The following ADGRV1 variants were observed in gnomAD, a reference collection of about 807,000 sequenced individuals.
The protein encoded by ADGRV1 is G-protein coupled receptor 98.
Under a neutral mutation model 596.2 loss-of-function variants are expected in ADGRV1, and 359 were observed. The ratio of observed to expected loss-of-function variants is 0.60; its 90% CI spans 0.55 to 0.66. ADGRV1 has a LOEUF of 0.66. Ranked by LOEUF, ADGRV1 falls within the 30% of genes least tolerant of loss-of-function variation. The pLI is 0.00. For missense variants in ADGRV1, 7,274 were observed against 7,575.6 expected (o/e 0.96, Z 1.48); for synonymous variants, 2,681 against 2,679.2 (o/e 1.00, Z -0.02).
intron 55 of ADGRV1, among the ~76,000 whole-genome samples, chr5:90,756,067 C>T (rs192821214): frequency 7.4e-4 from 112 of 151,760 alleles, no homozygotes; most frequent in African/African-American, 2.4e-3. Context: ...AGGCTTATAT[C>T]TAGATTTTCA....
chr5:90,930,074 C>T (rs963791593), intron 83 of ADGRV1, among the ~76,000 whole-genome samples: 1 of 152,130 alleles, frequency 6.6e-6, no homozygotes, highest in South Asian at 2.1e-4. Context: ...CACTAAACAT[C>T]TTCTTTTTGT....
chr5:91,157,826 C>T (rs565087124), intron 89 of ADGRV1, among the ~76,000 whole-genome samples: 1 of 152,286 alleles, frequency 6.6e-6, no homozygotes, highest in East Asian at 1.9e-4. Flanking sequence ...TTAAAGCTGT[C>T]CTTCCCATAC....
At chr5:90,787,995 C>A in intron 67 of ADGRV1, 76 bp from the exon 68 acceptor site, 2 of 1,036,788 alleles carry the variant, frequency 1.9e-6, no homozygotes, top group East Asian at 2.6e-5. Context: ...TTTCTTAATA[C>A]TAGATACCCT....
rs933924179 is a variant in ADGRV1 at position 90,841,045 on chromosome 5, A to G, written c.17019+60A>G. The G allele has an allele frequency of 5.1e-6, 6 of 1,183,904 alleles. No individual in the cohort carries two copies. In the East Asian group the frequency reaches 7.5e-5, roughly 15 times the overall value. The allele number at this position is 1,183,904 out of a possible 1,614,324, so 73.3% of individuals were successfully genotyped here. The stretch of plus-strand genomic sequence containing the variant: ...GAAATTTTGTAAATTTAAAAACCCA[A>G]GTAAAACCAAAATCACATTCTCTTT... On this transcript the variant is annotated intron_variant, in intron 78 of 89. Transcript: ENST00000405460.
At chr5:90,894,465 T>TG (rs1304932334) in intron 83 of ADGRV1, among the ~76,000 whole-genome samples, 2 of 152,156 alleles carry the variant, frequency 1.3e-5, no homozygotes, top group African/African-American at 4.8e-5. Flanking sequence ...TAGTGAGTTG[T>TG]GGGGATGGCC....
At chr5:90,855,086 T>G (rs1003344746) in intron 81 of ADGRV1, among the ~76,000 whole-genome samples, 5 of 152,122 alleles carry the variant, frequency 3.3e-5, no homozygotes, top group African/African-American at 1.2e-4. Context: ...GTAAAGAAAT[T>G]AAGAGGCATT....
chr5:91,126,476 A>G (rs780125664), intron 87 of ADGRV1, among the ~76,000 whole-genome samples: 1 of 152,234 alleles, frequency 6.6e-6, no homozygotes, highest in Non-Finnish European at 1.5e-5. Context: ...TAAAGGTTAC[A>G]TGCTTTGCCT....
At chr5:90,796,199 T>C (rs1266836591) in intron 70 of ADGRV1, among the ~76,000 whole-genome samples, 1 of 152,152 alleles carries the variant, frequency 6.6e-6, no homozygotes, top group Non-Finnish European at 1.5e-5. Context: ...GAGCATATTC[T>C]AACCCAATGC....
At chr5:91,114,086 G>T (rs1195700980) in intron 87 of ADGRV1, among the ~76,000 whole-genome samples, 3 of 151,664 alleles carry the variant, frequency 2.0e-5, no homozygotes, top group African/African-American at 7.3e-5. Flanking sequence ...GAGCATGGTG[G>T]CAGGAGGCTG....
intron 83 of ADGRV1, among the ~76,000 whole-genome samples, chr5:90,959,288 T>A (rs1231252392): frequency 3.3e-5 from 5 of 152,028 alleles, no homozygotes; most frequent in African/African-American, 1.2e-4. Context: ...CTTTTTTTTT[T>A]AATGTGTGAA....
At chr5:91,001,256 T>G (rs949715005) in intron 85 of ADGRV1, among the ~76,000 whole-genome samples, 5 of 152,034 alleles carry the variant, frequency 3.3e-5, no homozygotes, top group Admixed American at 3.3e-4. Flanking sequence ...ATTTTTATCT[T>G]TTGTGGAGAC....
intron 78 of ADGRV1, among the ~76,000 whole-genome samples, chr5:90,848,423 C>A (rs1387292606): frequency 6.6e-6 from 1 of 151,782 alleles, no homozygotes; most frequent in Non-Finnish European, 1.5e-5. Context: ...GGTGATTATG[C>A]CTTTTCTTTA....
At chr5:90,973,955 A>G (rs1779308499) in intron 84 of ADGRV1, among the ~76,000 whole-genome samples, 1 of 152,244 alleles carries the variant, frequency 6.6e-6, no homozygotes, top group Non-Finnish European at 1.5e-5. Flanking sequence ...AGAAAACTGC[A>G]TTGTCTCAGC....
Position 90,602,236 on chromosome 5 carries a change from G to A in ADGRV1, c.23-12599G>A, listed in dbSNP as rs561919466. Among the ~76,000 whole-genome samples the A allele has an allele frequency of 2.3e-4, 35 of 152,156 alleles. 1 individual carries two copies. In the East Asian group the frequency reaches 3.9e-3, roughly 17 times the overall value. ...TGCCTGGTACAGTTTTTAATATGTCGGTAGATAGATGGAAGGAAGTAAGTT... is the reference window on the plus strand; with the variant it reads ...TGCCTGGTACAGTTTTTAATATGTCAGTAGATAGATGGAAGGAAGTAAGTT... On this transcript the variant is annotated intron_variant, in intron 1 of 89. Coordinates refer to ENST00000405460, the MANE Select transcript of ADGRV1 (RefSeq NM_032119.4).
intron 1 of ADGRV1, among the ~76,000 whole-genome samples, chr5:90,576,261 C>A (rs1757187896): frequency 6.6e-6 from 1 of 151,984 alleles, no homozygotes; most frequent in South Asian, 2.1e-4. Flanking sequence ...TATCCCTCCC[C>A]CAGCCCCCCG....
intron 83 of ADGRV1, among the ~76,000 whole-genome samples, chr5:90,938,645 T>C (rs544106864): frequency 1.1e-3 from 167 of 152,348 alleles, no homozygotes; most frequent in African/African-American, 3.8e-3. Context: ...TGCCAGGCAC[T>C]GCTCTATGCA....
intron 63 of ADGRV1, 75 bp from the exon 64 acceptor site, chr5:90,778,790 A>G (rs1758532906): frequency 8.0e-7 from 1 of 1,246,024 alleles, no homozygotes; most frequent in Non-Finnish European, 1.1e-6. Flanking sequence ...CCTGGTAAAT[A>G]GAACGTTTAG....
At chr5:90,671,333 G>A (rs1248525401) in intron 21 of ADGRV1, among the ~76,000 whole-genome samples, 2 of 152,176 alleles carry the variant, frequency 1.3e-5, no homozygotes, top group Admixed American at 6.5e-5. Context: ...AGTGGGGCTG[G>A]GGGAAGAATG....
At chr5:90,895,864 T>C (rs748482973) in intron 83 of ADGRV1, among the ~76,000 whole-genome samples, 172 of 152,308 alleles carry the variant, frequency 1.1e-3, no homozygotes, top group Non-Finnish European at 1.5e-3. Context: ...AAAAGTATAG[T>C]CTTCATAACT....
Sources: gnomAD v4.1 joint callset for allele counts (sites outside exome capture counted in the v4.1 genomes callset) on GRCh38, gnomAD v4.1.1 for gene constraint, MANE v1.5 for transcripts, NCBI Gene and HGNC (gene_info 2026-07-23, HGNC 2026-07-21) for gene names.